SDC3: variants seen among roughly 807,000 people sequenced by gnomAD.
The protein encoded by SDC3 is syndecan 3, also known as syndecan-3.
A neutral mutation model predicts 24.4 loss-of-function variants in SDC3; 13 were observed. The ratio of observed to expected loss-of-function variants is 0.53; its 90% CI spans 0.35 to 0.85. The LOEUF is 0.85. Ranked by LOEUF, SDC3 falls within the 40% of genes least tolerant of loss-of-function variation. The pLI is 0.01. For synonymous variants in SDC3, 295 were observed against 260.9 expected (o/e 1.13, Z -1.26); for missense variants, 571 against 584.5 (o/e 0.98, Z 0.24).
chr1:30,873,636 C>G (rs537385321), intron 4 of SDC3, among the ~76,000 whole-genome samples: 25 of 152,200 alleles, frequency 1.6e-4, no homozygotes, highest in Admixed American at 1.4e-3. Context: ...AGGGCTTCAT[C>G]AAATTTAAAA....
intron 1 of SDC3, among the ~76,000 whole-genome samples, 190 bp downstream of exon 1, chr1:30,908,259 G>GT (rs1274614108): frequency 6.8e-6 from 1 of 147,764 alleles, no homozygotes; most frequent in Non-Finnish European, 1.5e-5. Flanking sequence ...GATTCCGGAG[G>GT]GGGGGGAGCA....
At position 30,903,634 on chromosome 1, in the gene SDC3, G is replaced by A. The variant is rs955556870; in HGVS notation, c.138+4815C>T. On this transcript the variant is annotated intron_variant, in intron 1 of 4. Transcript: ENST00000339394. ...GACAGCATCACTGACCTCCAGGGCT[G>A]TGGGAGAATTAAGTGAGAAAAGATA... Among the ~76,000 whole-genome samples, 6 of 152,104 alleles carry A rather than the reference G, an allele frequency of 3.9e-5. No homozygotes were observed. The East Asian group carries it at 9.6e-4, about 24-fold the overall frequency.
At chr1:30,889,077 T>C (rs1168745483) in intron 1 of SDC3, among the ~76,000 whole-genome samples, 2 of 152,196 alleles carry the variant, frequency 1.3e-5, no homozygotes, top group Non-Finnish European at 2.9e-5. Context: ...CAGCAGGGAC[T>C]CTGATGCTCG....
chr1:30,903,519 T>C (rs755449001), intron 1 of SDC3, among the ~76,000 whole-genome samples: 39 of 152,114 alleles, frequency 2.6e-4, no homozygotes, highest in Admixed American at 9.8e-4. Flanking sequence ...ACACCCCCAG[T>C]GGCCCTCAGA....
At chr1:30,898,824 C>T (rs951753447) in intron 1 of SDC3, among the ~76,000 whole-genome samples, 16 of 152,216 alleles carry the variant, frequency 1.1e-4, no homozygotes, top group African/African-American at 3.4e-4. Flanking sequence ...ATTTAACAGA[C>T]GTGGAAGTGG....
intron 1 of SDC3, among the ~76,000 whole-genome samples, chr1:30,893,303 G>GCCCCCCCCCCCCC (rs59392837): frequency 7.4e-5 from 1 of 13,522 alleles, no homozygotes; most frequent in Non-Finnish European, 1.4e-4. Context: ...CCCACCAGGA[G>GCCCCCCCCCCCCC]CCCCCCCCCC....
intron 1 of SDC3, among the ~76,000 whole-genome samples, chr1:30,907,857 G>C (rs1429438705): frequency 1.3e-5 from 2 of 152,130 alleles, no homozygotes; most frequent in Non-Finnish European, 2.9e-5. Context: ...TGCCCTGGCC[G>C]GCTGCCGCGA....
intron 3 of SDC3, among the ~76,000 whole-genome samples, chr1:30,874,913 G>A (rs941092052): frequency 5.9e-5 from 9 of 152,202 alleles, no homozygotes; most frequent in Non-Finnish European, 1.2e-4. Context: ...TCCCCCTCAT[G>A]TCCCCTCCAG....
rs1199815744 is a variant in SDC3 at position 30,870,009 on chromosome 1, C to T, written c.*3202G>A. The T allele has an allele frequency of 1.3e-5, 5 of 397,598 alleles. No individual in the cohort carries two copies. Among genetic ancestry groups the T allele is most frequent in the Non-Finnish European group, 2.2e-5 (5 of 225,996 alleles). The allele number at this position is 397,598 out of a possible 1,614,324, so 24.6% of individuals were successfully genotyped here. On this transcript the variant is annotated 3_prime_UTR_variant, in exon 5 of 5. Transcript: ENST00000339394. ...TCTGTAAATCTGTACAGTTTGCGGG[C>T]TTCTATTTACAGGCAAGAGGCCTGG...
At chr1:30,885,954 C>T (rs1639821008) in intron 1 of SDC3, among the ~76,000 whole-genome samples, 1 of 152,164 alleles carries the variant, frequency 6.6e-6, no homozygotes. Context: ...CCGTCACCGC[C>T]CCATCAATCC....
intron 2 of SDC3, chr1:30,877,776 G>A (rs557830774): frequency 6.4e-6 from 1 of 155,240 alleles, no homozygotes; most frequent in Non-Finnish European, 1.4e-5. Flanking sequence ...CTCGGAACCA[G>A]GCAGGAGGGA....
At chr1:30,899,556 G>C (rs1292471561) in intron 1 of SDC3, among the ~76,000 whole-genome samples, 1 of 152,082 alleles carries the variant, frequency 6.6e-6, no homozygotes, top group Non-Finnish European at 1.5e-5. Flanking sequence ...GTCTTTAGTA[G>C]AGATGGAGTT....
At chr1:30,897,194 A>C (rs530617433) in intron 1 of SDC3, among the ~76,000 whole-genome samples, 20 of 152,332 alleles carry the variant, frequency 1.3e-4, no homozygotes, top group African/African-American at 4.6e-4. Flanking sequence ...TGCCCTGCCC[A>C]GGAGTCAGGA....
At chr1:30,896,166 G>C (rs1445545935) in intron 1 of SDC3, among the ~76,000 whole-genome samples, 3 of 152,200 alleles carry the variant, frequency 2.0e-5, no homozygotes, top group African/African-American at 7.2e-5. Flanking sequence ...GGAGAACTAG[G>C]AGTGAAACAG....
chr1:30,873,270 G>T lies in SDC3; in HGVS notation c.1270C>A (p.Pro424Thr), dbSNP rs772614191. Residue 424 changes from proline (P) to threonine (T), a missense_variant, in exon 5 of 5, where the codon CCC becomes ACC. By Grantham distance (38) the Pro-to-Thr change is conservative. Around this residue, in one of 2 missense-constraint regions of SDC3, gnomAD observed 74 missense variants for 112.9 expected, o/e 0.66. Coordinates refer to ENST00000339394, the MANE Select transcript of SDC3 (RefSeq NM_014654.4). ...TGGTATGTGACGCTCGCCTGCTTGG[G>T]TTCCTCCAGCGTGTAGCTGCCCTCA... ...KDEGSYTLEE[P>T]KQASVTYQKP... 1.1e-5 allele frequency: 18 copies of T among 1,613,352 alleles called. No homozygotes were observed. The highest frequency in any genetic ancestry group is 1.4e-5 in the Non-Finnish European group (17 of 1,179,392).
chr1:30,872,904 ACCAG>A lies in SDC3; in HGVS notation c.*303_*306del, dbSNP rs1230645711. The A allele has an allele frequency of 2.7e-6, 1 of 375,832 alleles. No homozygotes were observed. Among genetic ancestry groups the A allele is most frequent in the Admixed American group, 4.3e-5 (1 of 23,468 alleles). 23.3% of individuals were successfully genotyped at this position (375,832 alleles called of 1,614,324 possible). A position where few individuals can be genotyped will look rare whatever the true frequency, so the allele number is the denominator to read the frequency against. On this transcript the variant is annotated 3_prime_UTR_variant, in exon 5 of 5. Coordinates refer to ENST00000339394, the MANE Select transcript of SDC3 (RefSeq NM_014654.4). ...CTCAAGCCCCACCCTTTCTTCCACC[ACCAG>A]CCAATCAGGAGCTTTCTTCCTCCCA...
At chr1:30,892,044 G>A (rs929720598) in intron 1 of SDC3, among the ~76,000 whole-genome samples, 1 of 151,828 alleles carries the variant, frequency 6.6e-6, no homozygotes, top group Non-Finnish European at 1.5e-5. Flanking sequence ...TCCTCCTCCA[G>A]CCTCCTGCAG....
Position 30,873,089 on chromosome 1 carries a change from G to T in SDC3, c.*122C>A. Reference sequence around the variant, plus strand: ...CTGGCAGCCTGGGCAGACCTTGGGAGAGAGGGCAGAGAAGAACTGGGGCCA... The same window carrying T: ...CTGGCAGCCTGGGCAGACCTTGGGATAGAGGGCAGAGAAGAACTGGGGCCA... On this transcript the variant is annotated 3_prime_UTR_variant, in exon 5 of 5. Transcript: ENST00000339394. 4.1e-6 allele frequency: 3 copies of T among 738,250 alleles called. No homozygotes were observed. Among genetic ancestry groups the T allele is most frequent in the South Asian group, 1.7e-5 (1 of 60,510 alleles). The allele number at this position is 738,250 out of a possible 1,614,324, so 45.7% of individuals were successfully genotyped here. A position where few individuals can be genotyped will look rare whatever the true frequency, so the allele number is the denominator to read the frequency against.
At chr1:30,901,030 A>G (rs1638405829) in intron 1 of SDC3, among the ~76,000 whole-genome samples, 1 of 152,148 alleles carries the variant, frequency 6.6e-6, no homozygotes. Context: ...GGATGTGACG[A>G]CAAGATCAGA....
Sources: allele counts gnomAD v4.1 joint callset (sites outside exome capture counted in the v4.1 genomes callset), GRCh38; gene constraint gnomAD v4.1.1; regional missense constraint gnomAD v4.1.1; transcripts MANE v1.5; gene names NCBI Gene and HGNC (gene_info 2026-07-23, HGNC 2026-07-21).